The following RAPGEF6 variants were observed in gnomAD, a reference collection of about 807,000 sequenced individuals.
RAPGEF6 encodes the protein Rap guanine nucleotide exchange factor 6, also known as PDZ domain containing guanine nucleotide exchange factor (GEF) 2.
A neutral mutation model predicts 171.4 loss-of-function variants in RAPGEF6; 56 were observed. The observed-to-expected ratio is 0.33, with a 90% CI of 0.26 to 0.41. RAPGEF6 has a LOEUF of 0.41. RAPGEF6 is among the 10% of genes least tolerant of loss of function. The pLI, the probability that RAPGEF6 is intolerant of heterozygous loss-of-function variation, is 1.00. For synonymous variants in RAPGEF6, 692 were observed against 650.1 expected, an observed-to-expected ratio of 1.06 and a Z score of -0.98; for missense variants, 1,674 against 1,921.4, an observed-to-expected ratio of 0.87 and a Z score of 2.41.
intron 15 of RAPGEF6, among the ~76,000 whole-genome samples, chr5:131,481,524 C>G (rs755140069): frequency 6.6e-5 from 10 of 152,196 alleles, no homozygotes; most frequent in Non-Finnish European, 1.3e-4. Context: ...AGCCACCGTG[C>G]CCGGCCTCAG....
chr5:131,529,020 C>T (rs1205957281), intron 6 of RAPGEF6, among the ~76,000 whole-genome samples: 2 of 152,104 alleles, frequency 1.3e-5, no homozygotes, highest in Non-Finnish European at 2.9e-5. Flanking sequence ...GCTTCCTCCA[C>T]CCAGTAAACA....
At chr5:131,427,978 C>T (rs930277054) in intron 27 of RAPGEF6, among the ~76,000 whole-genome samples, 7 of 151,972 alleles carry the variant, frequency 4.6e-5, no homozygotes, top group African/African-American at 1.7e-4. Flanking sequence ...TGGTGTGTGC[C>T]TGTAGTCCCA....
intron 7 of RAPGEF6, chr5:131,511,255 G>A (rs1757701357): frequency 6.6e-6 from 1 of 151,960 alleles, no homozygotes. Context: ...ATGGTACTAA[G>A]TAGATTCTTA....
At chr5:131,552,461 C>CTTT (rs200660234) in intron 5 of RAPGEF6, among the ~76,000 whole-genome samples, 1 of 142,056 alleles carries the variant, frequency 7.0e-6, no homozygotes, top group African/African-American at 2.6e-5. Context: ...AAAAATGCAA[C>CTTT]TTTTTTTTTT....
At position 131,545,901 on chromosome 5, in the gene RAPGEF6, T is replaced by C. The variant is rs546446515; in HGVS notation, c.495+2146A>G. Among the ~76,000 whole-genome samples the C allele has an allele frequency of 4.1e-5, 6 of 148,074 alleles. No homozygotes were observed. In the East Asian group the frequency reaches 5.8e-4, roughly 14 times the overall value. On this transcript the variant is annotated intron_variant, in intron 6 of 27. Transcript: ENST00000509018. ...ACTTAGTAGGATCACCATGTAACAC[T>C]AGGTATACATGCAAAAATGCCACTA...
chr5:131,603,397 CTAAT>C, intron 2 of RAPGEF6, 70 bp from the exon 3 acceptor site: 1 of 993,512 alleles, frequency 1.0e-6, no homozygotes, highest in Non-Finnish European at 1.5e-6. Flanking sequence ...TTGACCTCAA[CTAAT>C]TATTATAATC....
rs140327584 is a variant in RAPGEF6 at position 131,469,892 on chromosome 5, C to T, written c.2239+2695G>A. 1,796 of 1,175,836 alleles carry T rather than the reference C, an allele frequency of 1.5e-3. 7 individuals are homozygous for T. Among genetic ancestry groups the T allele is most frequent in the Middle Eastern group, 7.6e-3 (39 of 5,124 alleles). 72.8% of individuals were successfully genotyped at this position (1,175,836 alleles called of 1,614,324 possible). On this transcript the variant is annotated intron_variant, in intron 17 of 27. Transcript: ENST00000509018. ...TTACAGTTCTGTAGCTTTGCCCCCA[C>T]TTTCATTTTGATCTAGTAATAACTT... is the stretch of plus-strand genomic sequence containing the variant.
Position 131,446,610 on chromosome 5 carries a change from G to C in RAPGEF6, c.3294C>G (p.Ala1098=). 6.2e-7 allele frequency: 1 copy of C among 1,614,196 alleles called. No individual in the cohort carries two copies. ...KRARRSSLLN[A]KKLYEDAQMA... ...TTTGGGCATCCTCATATAGCTTCTTGGCATTAAGCAGAGAGCTGCGGCGTG... is the reference window on the plus strand; with the variant it reads ...TTTGGGCATCCTCATATAGCTTCTTCGCATTAAGCAGAGAGCTGCGGCGTG... The change falls in exon 22 of 28, where the codon GCC becomes GCG. Residue 1098 remains alanine, a synonymous_variant. Coordinates refer to ENST00000509018, the MANE Select transcript of RAPGEF6 (RefSeq NM_016340.6).
At chr5:131,433,060 C>A (rs1751805457) in intron 25 of RAPGEF6, among the ~76,000 whole-genome samples, 2 of 152,098 alleles carry the variant, frequency 1.3e-5, no homozygotes, top group Admixed American at 1.3e-4. Context: ...CTCTCCCAAC[C>A]TGTCTACAAT....
intron 4 of RAPGEF6, 92 bp downstream of exon 4, chr5:131,592,291 A>G: frequency 1.3e-6 from 2 of 1,505,174 alleles, no homozygotes; most frequent in East Asian, 2.5e-5. Context: ...AAAGACATTT[A>G]AAAGATGTAT....
At chr5:131,499,414 C>T (rs1756862118) in intron 11 of RAPGEF6, among the ~76,000 whole-genome samples, 1 of 151,880 alleles carries the variant, frequency 6.6e-6, no homozygotes. Context: ...AACCCCGTCT[C>T]TACTAAAAAT....
At chr5:131,589,558 A>G (rs1372427207) in intron 4 of RAPGEF6, among the ~76,000 whole-genome samples, 1 of 152,252 alleles carries the variant, frequency 6.6e-6, no homozygotes, top group Non-Finnish European at 1.5e-5. Context: ...GAAGCTGAGC[A>G]GCCAGGGGAG....
At chr5:131,518,646 T>C (rs1046047324) in intron 7 of RAPGEF6, among the ~76,000 whole-genome samples, 1 of 152,128 alleles carries the variant, frequency 6.6e-6, no homozygotes, top group Non-Finnish European at 1.5e-5. Context: ...TCCGCCCACC[T>C]CTGCCTCCCA....
chr5:131,561,996 C>T lies in RAPGEF6; in HGVS notation c.333G>A (p.Glu111=), dbSNP rs750157949. The T allele has an allele frequency of 9.4e-6, 15 of 1,592,994 alleles. No homozygotes were observed. The South Asian group carries it at 1.7e-4, about 18-fold the overall frequency. The change falls in exon 5 of 28, where the codon GAG becomes GAA. Residue 111 remains glutamate, a synonymous_variant. Coordinates refer to ENST00000509018, the MANE Select transcript of RAPGEF6 (RefSeq NM_016340.6). ...GKRGCDCLVL[E]PSEMIVVENA... ...TTCTTACCACAATCATTTCTGAAGG[C>T]TCTAATACAAGACAATCACATCCTC... is the stretch of plus-strand genomic sequence containing the variant.
At position 131,442,517 on chromosome 5, in the gene RAPGEF6, T is replaced by C. The variant is rs1341023035; in HGVS notation, c.3442A>G (p.Lys1148Glu). 6.2e-7 allele frequency: 1 copy of C among 1,613,954 alleles called. No individual in the cohort carries two copies. The highest frequency in any genetic ancestry group is 8.5e-7 in the Non-Finnish European group (1 of 1,179,912). The change falls in exon 23 of 28, where the codon AAA (lysine) becomes GAA (glutamate). Residue 1148 changes from lysine (K) to glutamate (E), a missense_variant. Around this residue, in one of 3 missense-constraint regions of RAPGEF6, gnomAD observed 552 missense variants for 574.2 expected, o/e 0.96. Coordinates refer to ENST00000509018, the MANE Select transcript of RAPGEF6 (RefSeq NM_016340.6). ...YGTLTKNLSEKRSAKSSEMSP... is the reference protein window; with the variant it reads ...YGTLTKNLSEERSAKSSEMSP... Reference sequence around the variant, plus strand: ...ATTTCAGATGATTTGGCTGATCTTTTCTCACTTAAATTCTTGGTCACTAAC... The same window carrying C: ...ATTTCAGATGATTTGGCTGATCTTTCCTCACTTAAATTCTTGGTCACTAAC...
chr5:131,579,845 G>A (rs1452251159), intron 4 of RAPGEF6, among the ~76,000 whole-genome samples: 1 of 152,194 alleles, frequency 6.6e-6, no homozygotes, highest in Non-Finnish European at 1.5e-5. Context: ...GCTAGATACA[G>A]AGTGCTGATT....
At chr5:131,574,554 G>A (rs1410016793) in intron 4 of RAPGEF6, among the ~76,000 whole-genome samples, 1 of 151,966 alleles carries the variant, frequency 6.6e-6, no homozygotes, top group Non-Finnish European at 1.5e-5. Flanking sequence ...CCCCAACTCT[G>A]GTGCCAACTT....
chr5:131,557,421 G>A (rs112686106), intron 5 of RAPGEF6, among the ~76,000 whole-genome samples: 190 of 152,240 alleles, frequency 1.2e-3, no homozygotes, highest in African/African-American at 4.1e-3. Context: ...ATGTATGAAC[G>A]AGTATCCAAC....
intron 19 of RAPGEF6, among the ~76,000 whole-genome samples, chr5:131,461,434 G>A (rs1210389741): frequency 6.6e-6 from 1 of 152,096 alleles, no homozygotes; most frequent in Non-Finnish European, 1.5e-5. Flanking sequence ...ATCACTCAAG[G>A]CGGGGGGTTG....
Sources: allele counts gnomAD v4.1 joint callset (sites outside exome capture counted in the v4.1 genomes callset), GRCh38; gene constraint gnomAD v4.1.1; regional missense constraint gnomAD v4.1.1; transcripts MANE v1.5; gene names NCBI Gene and HGNC (gene_info 2026-07-23, HGNC 2026-07-21).